ZFAT: variants seen among roughly 807,000 people sequenced by gnomAD.
ZFAT encodes zinc finger and AT-hook domain containing, also known as zinc finger protein ZFAT.
In ZFAT, 64 loss-of-function variants were observed where a neutral mutation model predicts 117.7. That is an observed-to-expected ratio of 0.54 (90% CI 0.44 to 0.67). ZFAT has a LOEUF of 0.67. ZFAT is among the 30% of genes least tolerant of loss of function. The pLI, the probability that ZFAT is intolerant of heterozygous loss-of-function variation, is 0.00. For missense variants in ZFAT, 1,433 were observed against 1,584.5 expected (o/e 0.90, Z 1.62); for synonymous variants, 679 against 615.0 (o/e 1.10, Z -1.54).
chr8:134,765,350 C>T, the ZFAT span: 1 of 152,264 alleles, frequency 6.6e-6, no homozygotes, highest in Non-Finnish European at 1.5e-5. Flanking sequence ...CTGCCATTCT[C>T]TGCTGGTTCT....
chr8:134,791,218 C>G, the ZFAT span, among the ~76,000 whole-genome samples: 1 of 152,246 alleles, frequency 6.6e-6, no homozygotes, highest in African/African-American at 2.4e-5. Flanking sequence ...ACACCTTCCT[C>G]TTTCTCCACC....
the ZFAT span, among the ~76,000 whole-genome samples, chr8:134,761,877 G>A: frequency 3.9e-5 from 6 of 152,088 alleles, no homozygotes; most frequent in Non-Finnish European, 1.5e-5. Context: ...GTCGCAGGTT[G>A]GCTAAACTTG....
At chr8:134,738,307 C>T in the ZFAT span, among the ~76,000 whole-genome samples, 1 of 152,172 alleles carries the variant, frequency 6.6e-6, no homozygotes, top group Non-Finnish European at 1.5e-5. Flanking sequence ...AATTCTGCGG[C>T]TGTCCCAACT....
At chr8:134,489,854 A>G (rs2130119475) in intron 15 of ZFAT, among the ~76,000 whole-genome samples, 1 of 152,122 alleles carries the variant, frequency 6.6e-6, no homozygotes, top group East Asian at 1.9e-4. Flanking sequence ...GGAACTAGTC[A>G]CTTCCTGCCC....
intron 2 of ZFAT, among the ~76,000 whole-genome samples, chr8:134,647,139 A>G (rs1175505801): frequency 6.6e-6 from 1 of 152,194 alleles, no homozygotes; most frequent in Non-Finnish European, 1.5e-5. Context: ...CTAACAAACC[A>G]AATTCAACAG....
chr8:134,562,369 A>G (rs1192638866), intron 11 of ZFAT, among the ~76,000 whole-genome samples: 1 of 152,222 alleles, frequency 6.6e-6, no homozygotes. Flanking sequence ...AATTGGTGGT[A>G]ATCTGTTACA....
Position 134,692,037 on chromosome 8 carries a change from G to A in ZFAT, c.19+20808C>T, listed in dbSNP as rs186521973. Among the ~76,000 whole-genome samples the A allele has an allele frequency of 2.9e-3, 440 of 152,228 alleles. 3 individuals are homozygous for A. The highest frequency in any genetic ancestry group is 0.01 in the African/African-American group (416 of 41,534). On this transcript the variant is annotated intron_variant, in intron 1 of 15. Transcript: ENST00000377838. Reference sequence around the variant, plus strand: ...CACACCTGGCTAATTTTGTATTTTAGTAGAGACAGGGTTTCTCCATGTTGG... The same window carrying A: ...CACACCTGGCTAATTTTGTATTTTAATAGAGACAGGGTTTCTCCATGTTGG...
In ZFAT at chr8:134,602,072, C is replaced by G; in HGVS notation, c.1647G>C (p.Pro549=). 2 of 1,610,892 alleles carry G rather than the reference C, an allele frequency of 1.2e-6. No homozygotes were observed. Among genetic ancestry groups the G allele is most frequent in the South Asian group, 2.2e-5 (2 of 90,742 alleles). The change falls in exon 6 of 16, where the codon CCG becomes CCC. Residue 549 remains proline, a synonymous_variant. Transcript: ENST00000377838. ...GGGCAGGCATTTCCCCAGGGGCCTC[C>G]GGCTCCTTCCGGCCCTCCTCCAGCT... The part of the protein sequence containing the change: ...DTQLEEGRKE[P]EAPGEMPAPA...
At chr8:134,600,163 T>C in intron 7 of ZFAT, 1 of 498,028 alleles carries the variant, frequency 2.0e-6, no homozygotes, top group Non-Finnish European at 3.6e-6. Flanking sequence ...ACTTCTACTC[T>C]ATAGATATCT....
intron 7 of ZFAT, chr8:134,599,524 T>A (rs1827244517): frequency 9.6e-6 from 3 of 312,470 alleles, no homozygotes; most frequent in Non-Finnish European, 1.9e-5. Context: ...CCTGTGAGAG[T>A]GTTGGAGACA....
At chr8:134,632,339 T>C (rs1462803752) in intron 3 of ZFAT, among the ~76,000 whole-genome samples, 1 of 152,240 alleles carries the variant, frequency 6.6e-6, no homozygotes, top group Non-Finnish European at 1.5e-5. Context: ...ACCAAATATG[T>C]GTTAATTGAC....
At chr8:134,737,567 A>G in the ZFAT span, among the ~76,000 whole-genome samples, 2 of 145,226 alleles carry the variant, frequency 1.4e-5, no homozygotes, top group African/African-American at 5.1e-5. Context: ...GTGATACAGC[A>G]CCTTTCTAAC....
At chr8:134,673,495 C>T in intron 1 of ZFAT, 1 of 216,534 alleles carries the variant, frequency 4.6e-6, no homozygotes, top group South Asian at 9.2e-5. Flanking sequence ...GGGATTATGA[C>T]ACCAAGTCAC....
At chr8:134,486,435 A>C (rs1817662163) in intron 15 of ZFAT, among the ~76,000 whole-genome samples, 1 of 152,114 alleles carries the variant, frequency 6.6e-6, no homozygotes, top group African/African-American at 2.4e-5. Context: ...GGCATCCTTC[A>C]TGTTTCAAAT....
the ZFAT span, among the ~76,000 whole-genome samples, chr8:134,752,764 A>T: frequency 6.6e-6 from 1 of 151,916 alleles, no homozygotes; most frequent in Non-Finnish European, 1.5e-5. Flanking sequence ...CATAGCAGAG[A>T]GGGAGGGCAT....
In ZFAT at chr8:134,527,704, C is replaced by T. The variant is rs150431609; in HGVS notation, c.3115+5130G>A. Reference sequence around the variant, plus strand: ...TATCTGAATCCTATTTAAATCCCAGCCCCTCTTCCCACAGGATCCTCAAGA... The same window carrying T: ...TATCTGAATCCTATTTAAATCCCAGTCCCTCTTCCCACAGGATCCTCAAGA... On this transcript the variant is annotated intron_variant, in intron 12 of 15. Transcript: ENST00000377838. Among the ~76,000 whole-genome samples, 196 of 152,278 alleles carry T rather than the reference C, an allele frequency of 1.3e-3. 3 individuals carry two copies. Among genetic ancestry groups the T allele is most frequent in the African/African-American group, 4.4e-3 (184 of 41,566 alleles).
the ZFAT span, among the ~76,000 whole-genome samples, chr8:134,780,164 T>A: frequency 3.3e-5 from 5 of 152,240 alleles, no homozygotes; most frequent in Non-Finnish European, 7.3e-5. Context: ...TGAAAATGAC[T>A]AGAATCTTCC....
the ZFAT span, among the ~76,000 whole-genome samples, chr8:134,800,312 C>T: frequency 6.6e-6 from 1 of 152,114 alleles, no homozygotes; most frequent in Non-Finnish European, 1.5e-5. Flanking sequence ...TTTAACTACT[C>T]CTACTGCAAC....
chr8:134,570,139 C>T (rs953285355), intron 10 of ZFAT, among the ~76,000 whole-genome samples: 1 of 152,142 alleles, frequency 6.6e-6, no homozygotes, highest in African/African-American at 2.4e-5. Context: ...CCTGCTGTTC[C>T]CAGAGCCCGG....
Sources: allele counts gnomAD v4.1 joint callset (sites outside exome capture counted in the v4.1 genomes callset), GRCh38; gene constraint gnomAD v4.1.1; transcripts MANE v1.5; gene names NCBI Gene and HGNC (gene_info 2026-07-23, HGNC 2026-07-21).